The following IGSF10 variants were observed in gnomAD, a reference collection of about 807,000 sequenced individuals.
The protein encoded by IGSF10 is calvaria mechanical force protein 608.
A neutral mutation model predicts 128.2 loss-of-function variants in IGSF10; 126 were observed. That is an observed-to-expected ratio of 0.98 (90% confidence interval 0.85 to 1.14). IGSF10 has a LOEUF of 1.14. IGSF10 is among the 50% of genes most tolerant of loss of function. IGSF10 has a pLI of 0.00. For synonymous variants in IGSF10, 1,185 were observed against 1,146.2 expected (o/e 1.03, Z -0.68); for missense variants, 3,295 against 3,149.8 (o/e 1.05, Z -1.10).
rs1337745119 is a variant in IGSF10, at chr3:151,443,792, C to T, written c.5155G>A (p.Gly1719Arg). The T allele has an allele frequency of 2.5e-6, 4 of 1,614,094 alleles. No homozygotes were observed. Among genetic ancestry groups the T allele is most frequent in the South Asian group, 1.1e-5 (1 of 91,078 alleles). Residue 1719 changes from glycine (G) to arginine (R), a missense_variant, in exon 7 of 8, where the codon GGA becomes AGA. By Grantham distance (125) the Gly-to-Arg change is moderately radical. Coordinates refer to ENST00000282466, the MANE Select transcript of IGSF10 (RefSeq NM_178822.5). ...SIQRVEIQDR[G>R]QYLCSASNLF... is the part of the protein sequence containing the mutation. ...TTGGATGCGGAACACAAGTACTGTC[C>T]GCGGTCCTGAATTTCCACCCTCTGG...
the IGSF10 span, among the ~76,000 whole-genome samples, chr3:151,580,924 A>T: frequency 6.6e-6 from 1 of 152,044 alleles, no homozygotes; most frequent in African/African-American, 2.4e-5. Flanking sequence ...TGACACCCAA[A>T]TTCCAGATCT....
rs1484101274 is a variant in IGSF10, at chr3:151,436,617, A to G, written c.*72T>C. On this transcript the variant is annotated 3_prime_UTR_variant, in exon 8 of 8. Coordinates refer to ENST00000282466, the MANE Select transcript of IGSF10 (RefSeq NM_178822.5). ...TGTATTCAAATTCATTTACATGCCT[A>G]TGGCTGCCTTTGATTAAACTTCTTC... The G allele has an allele frequency of 8.7e-6, 9 of 1,037,000 alleles. No individual in the cohort carries two copies. In the East Asian group the frequency reaches 1.4e-4, roughly 16 times the overall value. 64.2% of individuals were successfully genotyped at this position (1,037,000 alleles called of 1,614,324 possible). A position where few individuals can be genotyped will look rare whatever the true frequency, so the allele number is the denominator to read the frequency against.
the IGSF10 span, among the ~76,000 whole-genome samples, chr3:151,547,601 T>A: frequency 7.6e-3 from 1,152 of 152,264 alleles, 7 homozygotes; most frequent in African/African-American, 0.026. Flanking sequence ...ATATTTGTCA[T>A]TGGACTCTGG....
Position 151,436,899 on chromosome 3 carries a change from T to G in IGSF10, c.7662A>C (p.Gly2554=), listed in dbSNP as rs1408609947. 4 of 1,614,130 alleles carry G rather than the reference T, an allele frequency of 2.5e-6. No individual in the cohort carries two copies. The highest frequency in any genetic ancestry group is 3.4e-6 in the Non-Finnish European group (4 of 1,179,998). ...CCCATGTGATTTCTGGCTTGGGAAC[T>G]CCCAAGGCCACACAGTGGAGCTGAA... ...AAFQLHCVAL[G]VPKPEITWEM... Residue 2554 remains glycine, a synonymous_variant, in exon 8 of 8, where the codon GGA becomes GGC. Transcript: ENST00000282466.
chr3:151,469,576 G>T, the IGSF10 span, among the ~76,000 whole-genome samples: 1 of 152,098 alleles, frequency 6.6e-6, no homozygotes, highest in East Asian at 1.9e-4. Context: ...AAATTGATAA[G>T]ATAGAAACTC....
the IGSF10 span, among the ~76,000 whole-genome samples, chr3:151,502,980 CAA>C: frequency 6.6e-6 from 1 of 151,986 alleles, no homozygotes; most frequent in Non-Finnish European, 1.5e-5. Flanking sequence ...AGGCTAATAG[CAA>C]AAACTCTCTC....
At chr3:151,518,642 T>C in the IGSF10 span, among the ~76,000 whole-genome samples, 2 of 152,082 alleles carry the variant, frequency 1.3e-5, no homozygotes, top group South Asian at 4.1e-4. Context: ...CCAATTGTAT[T>C]TGGGATGTCA....
At chr3:151,527,658 T>C in the IGSF10 span, among the ~76,000 whole-genome samples, 23 of 152,232 alleles carry the variant, frequency 1.5e-4, no homozygotes, top group African/African-American at 5.3e-4. Flanking sequence ...GTTTTAAAAA[T>C]CCAAATCTGG....
chr3:151,505,719 T>A, the IGSF10 span, among the ~76,000 whole-genome samples: 120,727 of 151,840 alleles, frequency 0.8, 48,126 homozygotes, highest in Middle Eastern at 0.9. Flanking sequence ...AATTAGTCTT[T>A]TCTAGGGATG....
At chr3:151,612,161 T>C in the IGSF10 span, among the ~76,000 whole-genome samples, 1 of 152,228 alleles carries the variant, frequency 6.6e-6, no homozygotes, top group Non-Finnish European at 1.5e-5. Flanking sequence ...GCATGTGGCA[T>C]TGCACTTCGT....
chr3:151,533,685 T>C, the IGSF10 span, among the ~76,000 whole-genome samples: 1 of 152,204 alleles, frequency 6.6e-6, no homozygotes, highest in Non-Finnish European at 1.5e-5. Context: ...ACGTAAGACC[T>C]AAAACCAAAA....
the IGSF10 span, among the ~76,000 whole-genome samples, chr3:151,564,063 G>A: frequency 6.6e-6 from 1 of 152,116 alleles, no homozygotes; most frequent in Non-Finnish European, 1.5e-5. Context: ...CTCGCTTCCT[G>A]TTATGAGTGT....
Position 151,445,739 on chromosome 3 carries a change from A to G in IGSF10, c.4242T>C (p.Thr1414=), listed in dbSNP as rs1721147393. ...ISSTISFHSR[T]LNLTDVIEEL... ...CTTCAATCACATCTGTCAGATTAAG[A>G]GTTCTTGAATGAAAACTGATTGTGC... Residue 1414 remains threonine (T), a synonymous_variant, in exon 6 of 8, where the codon ACT becomes ACC. Coordinates refer to ENST00000282466, the MANE Select transcript of IGSF10 (RefSeq NM_178822.5). 9 of 1,613,890 alleles carry G rather than the reference A, an allele frequency of 5.6e-6. No homozygotes were observed. The highest frequency in any genetic ancestry group is 2.2e-5 in the East Asian group (1 of 44,896).
chr3:151,442,154 A>G (rs1323055503), intron 7 of IGSF10, among the ~76,000 whole-genome samples: 1 of 152,162 alleles, frequency 6.6e-6, no homozygotes, highest in Non-Finnish European at 1.5e-5. Context: ...GGGGCCCTGA[A>G]TATGTTTCAC....
chr3:151,538,020 T>G, the IGSF10 span, among the ~76,000 whole-genome samples: 1 of 152,214 alleles, frequency 6.6e-6, no homozygotes, highest in Non-Finnish European at 1.5e-5. Context: ...TTCCTCTGAC[T>G]ATTACTCACT....
Position 151,442,989 on chromosome 3 carries a change from C to A in IGSF10, c.5958G>T (p.Gln1986His). ...ACCCAAAGGTATAGACTTACCTATG[C>A]TGCTGGTCGACCACAGCCTTGGATG... ...RLPSKAVVDQQHRVGSWIHVY... is the reference protein window; with the variant it reads ...RLPSKAVVDQHHRVGSWIHVY... Residue 1986 changes from glutamine to histidine, a missense_variant, in exon 7 of 8, where the codon CAG (glutamine) becomes CAT (histidine). By Grantham distance (24) the Gln-to-His change is conservative (BLOSUM62 0). Coordinates refer to ENST00000282466, the MANE Select transcript of IGSF10 (RefSeq NM_178822.5). 6.2e-7 allele frequency: 1 copy of A among 1,612,884 alleles called. No homozygotes were observed. Among genetic ancestry groups the A allele is most frequent in the Non-Finnish European group, 8.5e-7 (1 of 1,179,274 alleles).
chr3:151,510,365 T>G, the IGSF10 span, among the ~76,000 whole-genome samples: 62 of 151,612 alleles, frequency 4.1e-4, no homozygotes, highest in Non-Finnish European at 6.8e-4. Context: ...AGGCAAAGAG[T>G]GGACCTCCAG....
At chr3:151,449,887 G>A (rs1296192862) in intron 5 of IGSF10, among the ~76,000 whole-genome samples, 1 of 152,190 alleles carries the variant, frequency 6.6e-6, no homozygotes, top group Admixed American at 6.5e-5. Context: ...AATAGGAGGT[G>A]AGGATTGACT....
At chr3:151,514,675 C>A in the IGSF10 span, among the ~76,000 whole-genome samples, 5 of 152,108 alleles carry the variant, frequency 3.3e-5, no homozygotes, top group South Asian at 1.0e-3. Context: ...TCAGAGTGAA[C>A]AGGCAACTTA....
Sources: gnomAD v4.1 joint callset for allele counts (sites outside exome capture counted in the v4.1 genomes callset) on GRCh38, gnomAD v4.1.1 for gene constraint, MANE v1.5 for transcripts, NCBI Gene and HGNC (gene_info 2026-07-23, HGNC 2026-07-21) for gene names.